Variants in SGMS2 observed in about 807,000 individuals in gnomAD.
SGMS2 encodes phosphatidylcholine:ceramide cholinephosphotransferase 2.
A neutral mutation model predicts 43.8 loss-of-function variants in SGMS2; 21 were observed. The observed-to-expected ratio is 0.48, with a 90% CI of 0.34 to 0.69. SGMS2 has a LOEUF of 0.69. Ranked by LOEUF, SGMS2 falls within the 30% of genes least tolerant of loss-of-function variation. The pLI, the probability that SGMS2 is intolerant of heterozygous loss-of-function variation, is 0.01. For missense variants in SGMS2, 384 were observed against 443.2 expected, an observed-to-expected ratio of 0.87 and a Z score of 1.20; for synonymous variants, 167 against 160.6, an observed-to-expected ratio of 1.04 and a Z score of -0.30.
chr4:107,869,909 C>G (rs566476980), intron 2 of SGMS2, among the ~76,000 whole-genome samples: 4 of 152,214 alleles, frequency 2.6e-5, no homozygotes, highest in South Asian at 2.1e-4. Context: ...CATTTAAGGT[C>G]TTTAACGAGG....
intron 1 of SGMS2, among the ~76,000 whole-genome samples, chr4:107,847,889 A>C (rs149176578): frequency 6.6e-6 from 1 of 152,332 alleles, no homozygotes; most frequent in African/African-American, 2.4e-5. Context: ...ACATTAGTGT[A>C]GTACACTTTG....
intron 5 of SGMS2, chr4:107,908,305 G>A (rs1005319208): frequency 1.4e-5 from 5 of 361,448 alleles, no homozygotes; most frequent in Admixed American, 4.3e-5. Flanking sequence ...GCTTATTCAC[G>A]TGGGTAAGGC....
At chr4:107,851,233 A>G (rs1727124697) in intron 1 of SGMS2, among the ~76,000 whole-genome samples, 1 of 152,194 alleles carries the variant, frequency 6.6e-6, no homozygotes, top group Non-Finnish European at 1.5e-5. Context: ...CACCTGGTGG[A>G]AGTCTTTGTA....
chr4:107,900,590 G>A (rs1208814551), intron 4 of SGMS2, among the ~76,000 whole-genome samples: 2 of 152,160 alleles, frequency 1.3e-5, no homozygotes, highest in Admixed American at 1.3e-4. Context: ...ACCATCCTAA[G>A]AAGGAATTAC....
rs17038219 is a variant in SGMS2, at chr4:107,903,829, T to C, written c.727+443T>C. Among the ~76,000 whole-genome samples, 739 of 152,342 alleles carry C rather than the reference T, an allele frequency of 4.9e-3. 9 individuals are homozygous for C. The highest frequency in any genetic ancestry group is 0.017 in the African/African-American group (715 of 41,586). ...CTAGCATTCCAAATAATTCGGTTAA[T>C]GTGTTCCCCTTTTTAAAACATTTCC... On this transcript the variant is annotated intron_variant, in intron 5 of 6. Transcript: ENST00000690982.
intron 2 of SGMS2, among the ~76,000 whole-genome samples, chr4:107,884,603 C>A (rs1411389468): frequency 6.6e-6 from 1 of 152,058 alleles, no homozygotes; most frequent in Non-Finnish European, 1.5e-5. Context: ...GCCTCCCATT[C>A]TCACACATCT....
chr4:107,854,411 A>G (rs142693957), intron 1 of SGMS2, among the ~76,000 whole-genome samples: 15 of 152,334 alleles, frequency 9.8e-5, no homozygotes, highest in Non-Finnish European at 1.9e-4. Context: ...GGAGCCTGAG[A>G]TGACTATGAC....
At chr4:107,884,502 G>A (rs974213927) in intron 2 of SGMS2, among the ~76,000 whole-genome samples, 49 of 14,488 alleles carry the variant, frequency 3.4e-3, no homozygotes, top group Non-Finnish European at 4.8e-3. Context: ...TTAAACAAAG[G>A]GGGGGGAAAT....
chr4:107,858,124 T>C (rs1727529853), intron 1 of SGMS2, among the ~76,000 whole-genome samples: 1 of 152,188 alleles, frequency 6.6e-6, no homozygotes, highest in Admixed American at 6.5e-5. Flanking sequence ...GACTGACTTT[T>C]TTGAGTGACA....
intron 1 of SGMS2, among the ~76,000 whole-genome samples, chr4:107,837,114 T>A (rs184103763): frequency 1.3e-5 from 2 of 152,200 alleles, no homozygotes; most frequent in South Asian, 2.1e-4. Flanking sequence ...TTTAACACTT[T>A]TTTTTGCACT....
At chr4:107,877,913 C>CTTTTTTTTTTTTTTTTTTTTTTT (rs774442653) in intron 2 of SGMS2, among the ~76,000 whole-genome samples, 3 of 102,176 alleles carry the variant, frequency 2.9e-5, no homozygotes, top group African/African-American at 7.8e-5. Context: ...TTTTTCTTTT[C>CTTTTTTTTTTTTTTTTTTTTTTT]TTTTTTTTTT....
At chr4:107,908,517 A>G in intron 5 of SGMS2, 48 bp from the exon 6 acceptor site, 1 of 1,563,190 alleles carries the variant, frequency 6.4e-7, no homozygotes, top group South Asian at 1.2e-5. Context: ...TAATCATTAC[A>G]TTCATCTCTG....
chr4:107,895,824 G>A lies in SGMS2; in HGVS notation c.271G>A (p.Val91Ile), dbSNP rs147662224. Reference protein sequence around the residue: ...IAFIYAVFNLVLTTVMITVVH... With the variant: ...IAFIYAVFNLILTTVMITVVH... ...CTTCATATATGCAGTTTTCAACCTC[G>A]TCTTGACAACCGTCATGATCACAGT... Residue 91 changes from valine (V) to isoleucine (I), a missense_variant, in exon 3 of 7, where the codon GTC becomes ATC. Val to Ile is a conservative substitution (Grantham distance 29). Transcript: ENST00000690982. 66 of 1,613,920 alleles carry A rather than the reference G, an allele frequency of 4.1e-5. No individual in the cohort carries two copies. The East Asian group carries it at 4.9e-4, about 12-fold the overall frequency.
intron 1 of SGMS2, among the ~76,000 whole-genome samples, chr4:107,827,599 C>T (rs1444056495): frequency 6.6e-6 from 1 of 152,144 alleles, no homozygotes; most frequent in East Asian, 1.9e-4. Context: ...ATATTACGGA[C>T]AAGTGATAGC....
rs562354573 is a variant in SGMS2 at position 107,849,657 on chromosome 4, T to G, written c.-326-8815T>G. Among the ~76,000 whole-genome samples the G allele has an allele frequency of 2.2e-5, 3 of 135,748 alleles. No individual in the cohort carries two copies. The East Asian group carries it at 5.8e-4, about 26-fold the overall frequency. The allele number at this position is 135,748 out of a possible 152,430, so 89.1% of individuals were successfully genotyped here. A position where few individuals can be genotyped will look rare whatever the true frequency, so the allele number is the denominator to read the frequency against. On this transcript the variant is annotated intron_variant, in intron 1 of 6. Transcript: ENST00000690982. ...AAAGTGACTTTTTAAAGATCACAAT[T>G]GACTTTTTAAAGATCACAATATCAG... is the stretch of plus-strand genomic sequence containing the variant.
At chr4:107,859,295 TGTG>T (rs575798520) in intron 2 of SGMS2, among the ~76,000 whole-genome samples, 69 of 152,310 alleles carry the variant, frequency 4.5e-4, no homozygotes, top group South Asian at 3.7e-3. Flanking sequence ...TACTGTTTAT[TGTG>T]GTGTTTGCCT....
intron 6 of SGMS2, among the ~76,000 whole-genome samples, chr4:107,909,999 C>T (rs577796853): frequency 6.6e-6 from 1 of 152,220 alleles, no homozygotes; most frequent in South Asian, 2.1e-4. Context: ...ATGTGTTCAA[C>T]TTCTGAGCTC....
At chr4:107,903,947 T>G (rs372757917) in intron 5 of SGMS2, among the ~76,000 whole-genome samples, 18 of 152,332 alleles carry the variant, frequency 1.2e-4, no homozygotes, top group African/African-American at 4.1e-4. Flanking sequence ...CCGATTATTT[T>G]CTTCTCAATA....
At chr4:107,893,948 G>C (rs1730452359) in intron 2 of SGMS2, among the ~76,000 whole-genome samples, 1 of 152,172 alleles carries the variant, frequency 6.6e-6, no homozygotes, top group African/African-American at 2.4e-5. Flanking sequence ...CTCTTTGGCT[G>C]AATGTTCAGG....
Sources: allele counts gnomAD v4.1 joint callset (sites outside exome capture counted in the v4.1 genomes callset), GRCh38; gene constraint gnomAD v4.1.1; transcripts MANE v1.5; gene names NCBI Gene and HGNC (gene_info 2026-07-23, HGNC 2026-07-21).